Variants in UBR3 observed in about 807,000 individuals in gnomAD.
UBR3 encodes the protein ubiquitin protein ligase E3 component n-recognin 3.
In UBR3, 85 loss-of-function variants were observed where a neutral mutation model predicts 243.2. The ratio of observed to expected loss-of-function variants is 0.35; its 90% confidence interval spans 0.29 to 0.42. The LOEUF (loss-of-function observed/expected upper bound fraction) is 0.42, where lower values mean the gene tolerates loss of function less well. Among genes scored for constraint, UBR3 ranks in the 10% least tolerant of loss-of-function variants. UBR3 has a pLI of 1.00. For missense variants in UBR3, 1,686 were observed against 2,300.8 expected, an observed-to-expected ratio of 0.73 and a Z score of 5.47; for synonymous variants, 748 against 799.8, an observed-to-expected ratio of 0.94 and a Z score of 1.09.
chr2:169,861,381 G>C (rs2083084023), intron 1 of UBR3, among the ~76,000 whole-genome samples: 1 of 152,172 alleles, frequency 6.6e-6, no homozygotes, highest in Non-Finnish European at 1.5e-5. Flanking sequence ...AGGCCGAGGC[G>C]GGTGGATCAC....
chr2:169,922,173 CT>C (rs1283555869), intron 11 of UBR3, among the ~76,000 whole-genome samples: 1 of 151,728 alleles, frequency 6.6e-6, no homozygotes, highest in Non-Finnish European at 1.5e-5. Context: ...GTAGTCCCAG[CT>C]GCTCAGGGGG....
At chr2:169,940,081 A>G (rs2086520482) in intron 19 of UBR3, among the ~76,000 whole-genome samples, 1 of 152,172 alleles carries the variant, frequency 6.6e-6, no homozygotes, top group South Asian at 2.1e-4. Context: ...AGTTTCATAC[A>G]TGTATACAAT....
At chr2:170,017,522 GACACACACACAC>G (rs66540837) in intron 30 of UBR3, among the ~76,000 whole-genome samples, 4 of 145,136 alleles carry the variant, frequency 2.8e-5, no homozygotes, top group African/African-American at 5.2e-5. Flanking sequence ...TATAATTACG[GACACACACACAC>G]ACACACACAC....
At position 170,017,582 on chromosome 2, in the gene UBR3, CAG is replaced by C. The variant is rs202107776; in HGVS notation, c.4453+2217_4453+2218del. 1.3e-3 allele frequency among the ~76,000 whole-genome samples: 123 copies of C among 91,234 alleles called. No individual in the cohort carries two copies. In the South Asian group the frequency reaches 0.014, roughly 10 times the overall value. 59.9% of individuals were successfully genotyped at this position (91,234 alleles called of 152,430 possible). A position where few individuals can be genotyped will look rare whatever the true frequency, so the allele number is the denominator to read the frequency against. On this transcript the variant is annotated intron_variant, in intron 30 of 38. Transcript: ENST00000272793. ...ACACACACACACACACACACACACACAGGGGGAGAAGGGAAGATTGTTCTTTC... is the reference window on the plus strand; with the variant it reads ...ACACACACACACACACACACACACACGGGGAGAAGGGAAGATTGTTCTTTC...
In UBR3 at chr2:170,083,027, T is replaced by A. The variant is rs1241068073; in HGVS notation, c.*1184T>A. 6.6e-6 allele frequency: 1 copy of A among 152,648 alleles called. No individual in the cohort carries two copies. The highest frequency in any genetic ancestry group is 1.5e-5 in the Non-Finnish European group (1 of 68,014). The allele number at this position is 152,648 out of a possible 1,614,324, so 9.5% of individuals were successfully genotyped here. On this transcript the variant is annotated 3_prime_UTR_variant, in exon 39 of 39. Coordinates refer to ENST00000272793, the MANE Select transcript of UBR3 (RefSeq NM_172070.4). ...TACTGAAAAGCATGTGACATATTGC[T>A]ACAAAGATTTTTTTTCCTAAATGAT... is the stretch of plus-strand genomic sequence containing the variant.
chr2:169,909,920 T>A (rs1011434237), intron 10 of UBR3, among the ~76,000 whole-genome samples: 1 of 152,174 alleles, frequency 6.6e-6, no homozygotes, highest in African/African-American at 2.4e-5. Flanking sequence ...ATTTTTGAGG[T>A]AGAATCTACA....
chr2:169,948,406 G>A (rs2086871106), intron 22 of UBR3, among the ~76,000 whole-genome samples: 1 of 151,808 alleles, frequency 6.6e-6, no homozygotes, highest in Non-Finnish European at 1.5e-5. Flanking sequence ...GTATATTATG[G>A]CTTTGGACTC....
chr2:170,061,483 T>C lies in UBR3; in HGVS notation c.5019+40T>C, dbSNP rs751477079. ...ATATGTAAGAGGGAGCTTTTTTTTT[T>C]TTCAGATGGAGTCTCTCTCTGTTGC... is the stretch of plus-strand genomic sequence containing the variant. On this transcript the variant is annotated intron_variant, in intron 35 of 38. Transcript: ENST00000272793. The C allele has an allele frequency of 1.8e-5, 28 of 1,598,400 alleles. No homozygotes were observed. The Middle Eastern group carries it at 5.0e-4, about 29-fold the overall frequency.
chr2:169,944,498 T>C (rs563509440), intron 20 of UBR3, among the ~76,000 whole-genome samples: 5 of 152,196 alleles, frequency 3.3e-5, no homozygotes, highest in Non-Finnish European at 7.4e-5. Context: ...GTTACAAGAC[T>C]ATTATAAATG....
At position 169,980,239 on chromosome 2, in the gene UBR3, G is replaced by T. The variant is rs145595721; in HGVS notation, c.3635-6406G>T. ...AAGAAGTTACAGATAAGGGGAGAAG[G>T]CTAGAATGATTCATGTGATAATAAT... On this transcript the variant is annotated intron_variant, in intron 24 of 38. Coordinates refer to ENST00000272793, the MANE Select transcript of UBR3 (RefSeq NM_172070.4). 4.6e-4 allele frequency among the ~76,000 whole-genome samples: 70 copies of T among 152,284 alleles called. 1 individual carries two copies. In the East Asian group the frequency reaches 0.012, roughly 26 times the overall value.
intron 11 of UBR3, among the ~76,000 whole-genome samples, chr2:169,920,089 A>G (rs1297586074): frequency 6.6e-6 from 1 of 152,236 alleles, no homozygotes; most frequent in African/African-American, 2.4e-5. Context: ...GAGTGGATTA[A>G]GAAAACGTGG....
chr2:169,915,234 A>G (rs190813239), intron 11 of UBR3, among the ~76,000 whole-genome samples: 1 of 130,024 alleles, frequency 7.7e-6, no homozygotes, highest in Admixed American at 8.0e-5. Flanking sequence ...ATTTTAGGAC[A>G]GTGACTTTTT....
chr2:169,918,230 T>C (rs2085538817), intron 11 of UBR3, among the ~76,000 whole-genome samples: 2 of 152,110 alleles, frequency 1.3e-5, no homozygotes, highest in South Asian at 4.1e-4. Flanking sequence ...TGAGTGTAAA[T>C]TGTGGCTCTG....
chr2:169,867,743 G>A (rs1398881462), intron 1 of UBR3, among the ~76,000 whole-genome samples: 1 of 152,152 alleles, frequency 6.6e-6, no homozygotes, highest in Non-Finnish European at 1.5e-5. Context: ...CACATGCAAA[G>A]GTAAATACAA....
chr2:169,906,968 G>A (rs1370176978), intron 10 of UBR3, among the ~76,000 whole-genome samples: 1 of 149,792 alleles, frequency 6.7e-6, no homozygotes, highest in African/African-American at 2.4e-5. Flanking sequence ...TCTTTTGTTA[G>A]TTCAGCCATT....
At position 169,875,790 on chromosome 2, in the gene UBR3, G is replaced by T; in HGVS notation, c.686-1G>T. 1 of 1,493,690 alleles carries T rather than the reference G, an allele frequency of 6.7e-7. No homozygotes were observed. Among genetic ancestry groups the T allele is most frequent in the Non-Finnish European group, 8.9e-7 (1 of 1,125,740 alleles). 92.5% of individuals were successfully genotyped at this position (1,493,690 alleles called of 1,614,324 possible). ...TGATTTTTTTTCTTTTTTTCTTTTA[G>T]CAGCTGATGGACCATCAGAAAAGGA... On this transcript the variant is annotated splice_acceptor_variant, in intron 2 of 38. Transcript: ENST00000272793. LOFTEE classifies it high-confidence loss of function.
At chr2:170,032,473 T>TAAC (rs764648436) in intron 31 of UBR3, among the ~76,000 whole-genome samples, 11 of 151,910 alleles carry the variant, frequency 7.2e-5, no homozygotes, top group African/African-American at 2.7e-4. Context: ...AAGTACTGTG[T>TAAC]AACAACAACA....
intron 31 of UBR3, among the ~76,000 whole-genome samples, chr2:170,032,713 G>C (rs1486357508): frequency 6.7e-6 from 1 of 148,546 alleles, no homozygotes; most frequent in Non-Finnish European, 1.5e-5. Flanking sequence ...AAATGCCACA[G>C]ACTAATGTGT....
intron 1 of UBR3, among the ~76,000 whole-genome samples, chr2:169,863,138 T>A (rs1484364120): frequency 1.3e-5 from 2 of 152,158 alleles, no homozygotes; most frequent in Non-Finnish European, 2.9e-5. Flanking sequence ...AACTTGCAAA[T>A]AGACCACCAG....
Sources: gnomAD v4.1 joint callset for allele counts (sites outside exome capture counted in the v4.1 genomes callset) on GRCh38, gnomAD v4.1.1 for gene constraint, MANE v1.5 for transcripts, NCBI Gene and HGNC (gene_info 2026-07-23, HGNC 2026-07-21) for gene names.